ZBED6: variants seen among roughly 807,000 people sequenced by gnomAD.
The protein encoded by ZBED6 is zinc finger BED-type containing 6.
In ZBED6, 40 loss-of-function variants were observed where a neutral mutation model predicts 58.4. The ratio of observed to expected loss-of-function variants is 0.68; its 90% confidence interval spans 0.53 to 0.89. The LOEUF (loss-of-function observed/expected upper bound fraction) is 0.89. Among genes scored for constraint, ZBED6 ranks in the 40% least tolerant of loss-of-function variants. The pLI, the probability that ZBED6 is intolerant of heterozygous loss-of-function variation, is 0.00. For missense variants in ZBED6, 1,057 were observed against 1,003.9 expected (o/e 1.05, Z -0.71); for synonymous variants, 439 against 350.6 (o/e 1.25, Z -2.82).
chr1:203,828,252 A>G, intron 3 of ZBED6, 47 bp from the exon 4 acceptor site: 1 of 1,610,820 alleles, frequency 6.2e-7, no homozygotes, highest in African/African-American at 1.3e-5. Context: ...ACATGAATAT[A>G]CGTATCACTG....
intron 11 of ZBED6, among the ~76,000 whole-genome samples, chr1:203,843,106 A>G (rs1262805174): frequency 1.3e-5 from 2 of 152,136 alleles, no homozygotes; most frequent in East Asian, 1.9e-4. Flanking sequence ...GGACATTCTT[A>G]TTCTGTTGTA....
intron 1 of ZBED6, among the ~76,000 whole-genome samples, chr1:203,808,048 G>T (rs915586265): frequency 2.0e-5 from 3 of 151,334 alleles, no homozygotes; most frequent in African/African-American, 7.3e-5. Context: ...GGCCTGTTTT[G>T]TTTTTTTTCT....
chr1:203,827,710 G>A (rs934006816), intron 3 of ZBED6, among the ~76,000 whole-genome samples: 4 of 151,872 alleles, frequency 2.6e-5, no homozygotes, highest in Admixed American at 1.3e-4. Context: ...AGGTGACTTG[G>A]GAAGGATACC....
chr1:203,828,827 T>C (rs757352875), intron 4 of ZBED6, among the ~76,000 whole-genome samples: 6 of 152,166 alleles, frequency 3.9e-5, no homozygotes, highest in Admixed American at 1.3e-4. Context: ...TAGAATTGAG[T>C]AGTTGAGACA....
intron 1 of ZBED6, 118 bp downstream of exon 1, chr1:203,803,134 T>C (rs1293299498): frequency 6.6e-6 from 1 of 152,310 alleles, no homozygotes; most frequent in African/African-American, 2.4e-5. Flanking sequence ...TTTTTGCTTG[T>C]ACATAATTGT....
At position 203,798,799 on chromosome 1, in the gene ZBED6, A is replaced by G. The variant is rs185738115; in HGVS notation, c.1277A>G (p.Asn426Ser). ...ATTGTGGAGGATATGCATCCTTACA[A>G]CTATTTCTCAACCCCAGCCTTTCAG... The change falls in exon 1 of 17, where the codon AAC becomes AGC. Residue 426 changes from asparagine (N) to serine (S), a missense_variant. Coordinates refer to ENST00000550078, the Ensembl canonical transcript of ZBED6. 2.6e-5 allele frequency: 40 copies of G among 1,536,158 alleles called. No individual in the cohort carries two copies. In the East Asian group the frequency reaches 9.0e-4, roughly 35 times the overall value.
chr1:203,825,692 T>G (rs953824934), intron 3 of ZBED6, among the ~76,000 whole-genome samples: 1 of 152,080 alleles, frequency 6.6e-6, no homozygotes, highest in African/African-American at 2.4e-5. Flanking sequence ...CCCAAAGTGT[T>G]GAGATTACAG....
In ZBED6 at chr1:203,829,771, G is replaced by GA. The variant is rs1302091131; in HGVS notation, c.*3202-8dup. ...TAATTGTGAATTTGCCTTAAATGTT[G>GA]ATATATAGATCAGTTTTCTGAGGAA... On this transcript the variant is annotated splice_polypyrimidine_tract_variant and intron_variant, in intron 5 of 16. Transcript: ENST00000550078. The GA allele has an allele frequency of 6.2e-7, 1 of 1,613,648 alleles. No homozygotes were observed. Among genetic ancestry groups the GA allele is most frequent in the African/African-American group, 1.3e-5 (1 of 75,024 alleles).
chr1:203,820,396 A>G (rs1044593832), intron 3 of ZBED6, among the ~76,000 whole-genome samples: 3 of 151,838 alleles, frequency 2.0e-5, no homozygotes, highest in African/African-American at 4.8e-5. Context: ...ATGTTCTTCA[A>G]TTTGGGTTTG....
chr1:203,839,181 A>G (rs1394104687), intron 10 of ZBED6, among the ~76,000 whole-genome samples: 1 of 152,106 alleles, frequency 6.6e-6, no homozygotes, highest in Non-Finnish European at 1.5e-5. Context: ...CGTGGACTAA[A>G]TCAAGAGATA....
intron 11 of ZBED6, among the ~76,000 whole-genome samples, chr1:203,845,368 A>G (rs780506612): frequency 2.6e-5 from 4 of 152,196 alleles, no homozygotes; most frequent in Non-Finnish European, 4.4e-5. Context: ...GATTGAAAGA[A>G]TTTGTGATTT....
Position 203,849,994 on chromosome 1 carries a change from G to C in ZBED6, c.*4606G>C, listed in dbSNP as rs139049200. On this transcript the variant is annotated 3_prime_UTR_variant, in exon 14 of 17. Transcript: ENST00000550078. ...GGAGACTCATTATTGAATGTGAAAT[G>C]TGCAGCACAGACCTTGGAAAAAAGG... 11 of 1,613,846 alleles carry C rather than the reference G, an allele frequency of 6.8e-6. No homozygotes were observed. The African/African-American group carries it at 8.0e-5, about 12-fold the overall frequency.
chr1:203,841,781 C>T (rs1426205717), intron 11 of ZBED6, among the ~76,000 whole-genome samples: 2 of 147,278 alleles, frequency 1.4e-5, no homozygotes, highest in South Asian at 2.1e-4. Flanking sequence ...CGGGTGGAGG[C>T]GCCCCCCACC....
Position 203,813,373 on chromosome 1 carries a change from A to C in ZBED6, c.*2555-3553A>C, listed in dbSNP as rs565570818. ...AGGCATTCACCACCATGCCTGGCTA[A>C]ATTTTAATGGTTTTTATTGAAAACC... On this transcript the variant is annotated intron_variant, in intron 1 of 16. Transcript: ENST00000550078. Among the ~76,000 whole-genome samples the C allele has an allele frequency of 9.9e-5, 15 of 152,138 alleles. No homozygotes were observed. The South Asian group carries it at 2.9e-3, about 29-fold the overall frequency.
intron 1 of ZBED6, among the ~76,000 whole-genome samples, chr1:203,810,775 A>G (rs1674198162): frequency 6.6e-6 from 1 of 151,996 alleles, no homozygotes; most frequent in Non-Finnish European, 1.5e-5. Flanking sequence ...AGGGAGTGTT[A>G]TCTACTCAGG....
At chr1:203,805,524 G>T in intron 1 of ZBED6, 2 of 505,766 alleles carry the variant, frequency 4.0e-6, no homozygotes, top group South Asian at 3.1e-5. Context: ...TTCCTTCAAA[G>T]AAAGGACAGA....
chr1:203,798,557 T>C, exon 1 of ZBED6: 1 of 1,536,140 alleles, frequency 6.5e-7, no homozygotes. Context: ...TCTTGAGTGA[T>C]ACCTTGCATG....
intron 11 of ZBED6, among the ~76,000 whole-genome samples, chr1:203,841,835 T>TCCC (rs1406767763): frequency 5.1e-5 from 7 of 137,966 alleles, no homozygotes; most frequent in Non-Finnish European, 9.6e-5. Flanking sequence ...GGCTCCTCAC[T>TCCC]TCGCAGACGG....
Position 203,818,704 on chromosome 1 carries a change from T to C in ZBED6, c.*2873+15T>C. Reference sequence around the variant, plus strand: ...TGGAGATTGATGTAAGTTTTTTATTTCCGTTATCATAATAAGTAGTCTGGA... The same window carrying C: ...TGGAGATTGATGTAAGTTTTTTATTCCCGTTATCATAATAAGTAGTCTGGA... On this transcript the variant is annotated intron_variant, in intron 3 of 16. Coordinates refer to ENST00000550078, the Ensembl canonical transcript of ZBED6. The C allele has an allele frequency of 6.2e-7, 1 of 1,613,982 alleles. No homozygotes were observed. The highest frequency in any genetic ancestry group is 8.5e-7 in the Non-Finnish European group (1 of 1,179,968).
Sources: gnomAD v4.1 joint callset for allele counts (sites outside exome capture counted in the v4.1 genomes callset) on GRCh38, gnomAD v4.1.1 for gene constraint, MANE v1.5 for transcripts, NCBI Gene and HGNC (gene_info 2026-07-23, HGNC 2026-07-21) for gene names.